Variants in TGFBR3 observed in about 807,000 individuals in gnomAD.
The protein encoded by TGFBR3 is transforming growth factor beta receptor type 3.
In TGFBR3, 46 loss-of-function variants were observed where a neutral mutation model predicts 87.9. The observed-to-expected ratio is 0.52, with a 90% confidence interval of 0.41 to 0.67. TGFBR3 has a LOEUF of 0.67. TGFBR3 is among the 30% of genes least tolerant of loss of function. TGFBR3 has a pLI of 0.00. For synonymous variants in TGFBR3, 381 were observed against 391.6 expected (o/e 0.97, Z 0.32); for missense variants, 866 against 1,041.9 (o/e 0.83, Z 2.32).
intron 1 of TGFBR3, among the ~76,000 whole-genome samples, chr1:91,880,600 AAAAAATAAAAAT>A (rs916078412): frequency 9.9e-5 from 15 of 152,120 alleles, no homozygotes; most frequent in African/African-American, 3.4e-4. Flanking sequence ...TCCGTCCCAA[AAAAAATAAAAAT>A]AAAAATAAAA....
intron 3 of TGFBR3, among the ~76,000 whole-genome samples, chr1:91,769,257 C>T (rs1674291382): frequency 6.6e-6 from 1 of 152,236 alleles, no homozygotes. Flanking sequence ...ACTAAAACCA[C>T]AGCTGCTATT....
intron 3 of TGFBR3, among the ~76,000 whole-genome samples, chr1:91,762,794 G>A (rs1050042819): frequency 1.3e-5 from 2 of 152,184 alleles, no homozygotes; most frequent in Non-Finnish European, 2.9e-5. Context: ...AGTTACCTGT[G>A]CAATGCAACA....
At chr1:91,719,754 A>G (rs1471878263) in intron 9 of TGFBR3, 139 bp downstream of exon 9, 2 of 975,196 alleles carry the variant, frequency 2.1e-6, no homozygotes, top group Admixed American at 4.0e-5. Context: ...AAGGGGAAGT[A>G]GGCCCATCCA....
chr1:91,787,946 A>G (rs980403503), intron 3 of TGFBR3, among the ~76,000 whole-genome samples: 1 of 134,126 alleles, frequency 7.5e-6, no homozygotes, highest in Non-Finnish European at 1.7e-5. Context: ...TCACGGGGAA[A>G]AAAAAAAAAA....
chr1:91,845,028 G>A (rs542714006), intron 2 of TGFBR3, among the ~76,000 whole-genome samples: 1 of 152,278 alleles, frequency 6.6e-6, no homozygotes, highest in South Asian at 2.1e-4. Context: ...TAAACGTAGG[G>A]GATGCTGTAC....
In TGFBR3 at chr1:91,734,968, A is replaced by C; in HGVS notation, c.385-9T>G. On this transcript the variant is annotated splice_polypyrimidine_tract_variant and intron_variant, in intron 4 of 16. Coordinates refer to ENST00000212355, the MANE Select transcript of TGFBR3 (RefSeq NM_003243.5). ...ACAGAACCCTCAGACACCTAGAGGA[A>C]AGAGAATTGCGTATTTAACATGGTG... 2 of 1,614,006 alleles carry C rather than the reference A, an allele frequency of 1.2e-6. No homozygotes were observed. Among genetic ancestry groups the C allele is most frequent in the Non-Finnish European group, 1.7e-6 (2 of 1,179,898 alleles).
chr1:91,736,898 T>C (rs1672984776), intron 4 of TGFBR3, among the ~76,000 whole-genome samples: 1 of 152,200 alleles, frequency 6.6e-6, no homozygotes, highest in Non-Finnish European at 1.5e-5. Flanking sequence ...ATATACATTA[T>C]ACACAGAGTA....
At chr1:91,827,680 G>A (rs1676693930) in intron 2 of TGFBR3, among the ~76,000 whole-genome samples, 1 of 152,164 alleles carries the variant, frequency 6.6e-6, no homozygotes, top group South Asian at 2.1e-4. Flanking sequence ...CACACAGTAA[G>A]CACTTGGTAA....
rs181633194 is a variant in TGFBR3 at position 91,777,409 on chromosome 1, G to A, written c.247-18659C>T. Among the ~76,000 whole-genome samples, 66 of 152,178 alleles carry A rather than the reference G, an allele frequency of 4.3e-4. 1 individual carries two copies. Among genetic ancestry groups the A allele is most frequent in the African/African-American group, 1.5e-3 (62 of 41,514 alleles). ...CCTCAACATATTTCATACTCAACTC[G>A]GCTCTATTTTATTTACCAGTCTCCT... On this transcript the variant is annotated intron_variant, in intron 3 of 16. Coordinates refer to ENST00000212355, the MANE Select transcript of TGFBR3 (RefSeq NM_003243.5).
intron 10 of TGFBR3, among the ~76,000 whole-genome samples, chr1:91,718,377 T>C (rs1672248300): frequency 6.6e-6 from 1 of 152,142 alleles, no homozygotes; most frequent in Non-Finnish European, 1.5e-5. Context: ...ACCTGATTGC[T>C]AGCCTCTCTT....
intron 3 of TGFBR3, among the ~76,000 whole-genome samples, chr1:91,781,711 A>AT (rs1041268965): frequency 1.3e-5 from 2 of 152,016 alleles, no homozygotes; most frequent in Admixed American, 6.5e-5. Flanking sequence ...TCTAAAACAC[A>AT]TTTAAAAAAA....
At chr1:91,709,181 G>A (rs1222641330) in intron 13 of TGFBR3, among the ~76,000 whole-genome samples, 3 of 152,140 alleles carry the variant, frequency 2.0e-5, no homozygotes, top group Non-Finnish European at 4.4e-5. Flanking sequence ...CCATAAAGAC[G>A]CTCCTCAACT....
At chr1:91,743,319 C>G (rs987203396) in intron 4 of TGFBR3, among the ~76,000 whole-genome samples, 2 of 152,100 alleles carry the variant, frequency 1.3e-5, no homozygotes, top group South Asian at 2.1e-4. Flanking sequence ...TCCTTGACCC[C>G]TACCCCAAAA....
chr1:91,735,759 T>C (rs1044242483), intron 4 of TGFBR3, among the ~76,000 whole-genome samples: 3 of 152,248 alleles, frequency 2.0e-5, no homozygotes, highest in African/African-American at 7.2e-5. Flanking sequence ...ATCTTGTTGC[T>C]GTGCTATAAT....
intron 3 of TGFBR3, among the ~76,000 whole-genome samples, chr1:91,785,211 G>T (rs1674912298): frequency 6.6e-6 from 1 of 152,234 alleles, no homozygotes; most frequent in African/African-American, 2.4e-5. Flanking sequence ...TACGCTAAGT[G>T]AAAGAAGCTA....
chr1:91,840,747 C>T (rs893449167), intron 2 of TGFBR3, among the ~76,000 whole-genome samples: 4 of 151,830 alleles, frequency 2.6e-5, no homozygotes, highest in Non-Finnish European at 5.9e-5. Context: ...GTGTGAAAAA[C>T]GAAATTTTAT....
chr1:91,773,554 G>A (rs933052285), intron 3 of TGFBR3, among the ~76,000 whole-genome samples: 3 of 152,188 alleles, frequency 2.0e-5, no homozygotes, highest in East Asian at 1.9e-4. Context: ...GGTGGCAGGC[G>A]CCTGTAATCT....
chr1:91,800,330 A>ATGTGTGTG (rs371979320), intron 2 of TGFBR3, among the ~76,000 whole-genome samples: 9,078 of 135,926 alleles, frequency 0.067, 630 homozygotes, highest in East Asian at 0.42. Context: ...ATATGTGTAT[A>ATGTGTGTG]TGTGTGTGTG....
At chr1:91,728,723 C>T (rs991738754) in intron 6 of TGFBR3, among the ~76,000 whole-genome samples, 1 of 152,144 alleles carries the variant, frequency 6.6e-6, no homozygotes. Flanking sequence ...CTTATCAAAA[C>T]GATCTGTAGC....
Sources: gnomAD v4.1 joint callset for allele counts (sites outside exome capture counted in the v4.1 genomes callset) on GRCh38, gnomAD v4.1.1 for gene constraint, MANE v1.5 for transcripts, NCBI Gene and HGNC (gene_info 2026-07-23, HGNC 2026-07-21) for gene names.